CDH4: variants seen among roughly 807,000 people sequenced by gnomAD.
The protein encoded by CDH4 is cadherin 4.
Under a neutral mutation model 86.0 loss-of-function variants are expected in CDH4, and 33 were observed. The observed-to-expected ratio is 0.38, with a 90% CI of 0.29 to 0.51. The LOEUF is 0.51. CDH4 is among the 20% of genes least tolerant of loss of function. CDH4 has a pLI of 0.86. For synonymous variants in CDH4, 555 were observed against 549.4 expected (o/e 1.01, Z -0.14); for missense variants, 1,114 against 1,307.4 (o/e 0.85, Z 2.28).
At chr20:61,274,867 T>G in intron 2 of CDH4, among the ~76,000 whole-genome samples, 1 of 131,576 alleles carries the variant, frequency 7.6e-6, no homozygotes, top group African/African-American at 3.0e-5. Context: ...ATGCGGTTGT[T>G]TGGGAGAGTA....
At chr20:61,430,196 G>A (rs972287981) in intron 2 of CDH4, among the ~76,000 whole-genome samples, 3 of 152,382 alleles carry the variant, frequency 2.0e-5, no homozygotes, top group African/African-American at 7.2e-5. Context: ...AGTCAGTAAT[G>A]TTTCCCTTAA....
At chr20:61,868,217 G>A (rs1219595746) in intron 6 of CDH4, among the ~76,000 whole-genome samples, 3 of 152,268 alleles carry the variant, frequency 2.0e-5, no homozygotes, top group East Asian at 1.9e-4. Context: ...GTTCGTCCAC[G>A]CCAGGACCCC....
At chr20:61,682,967 A>G (rs2087533775) in intron 2 of CDH4, among the ~76,000 whole-genome samples, 2 of 152,102 alleles carry the variant, frequency 1.3e-5, no homozygotes, top group Non-Finnish European at 2.9e-5. Context: ...TATAAGAACC[A>G]ATTGTGAATG....
chr20:61,264,075 C>G (rs1376570306), intron 2 of CDH4, among the ~76,000 whole-genome samples: 1 of 152,180 alleles, frequency 6.6e-6, no homozygotes, highest in Non-Finnish European at 1.5e-5. Flanking sequence ...CACGTGAGAT[C>G]CCAGGCTCAC....
In CDH4 at chr20:61,654,000, G is replaced by A. The variant is rs184053185; in HGVS notation, c.170-89563G>A. 4.9e-3 allele frequency among the ~76,000 whole-genome samples: 739 copies of A among 151,958 alleles called. 6 individuals are homozygous for A. Among genetic ancestry groups the A allele is most frequent in the African/African-American group, 0.017 (693 of 41,452 alleles). ...AGACGAAGGGCGGCCAGGCAGAGAC[G>A]CTCCTCACTTCCCAGACAGGGTGGC... On this transcript the variant is annotated intron_variant, in intron 2 of 15. Coordinates refer to ENST00000614565, the MANE Select transcript of CDH4 (RefSeq NM_001794.5).
Position 61,743,575 on chromosome 20 carries a change from G to A in CDH4, c.182G>A (p.Ser61Asn), listed in dbSNP as rs2088370421. The change falls in exon 3 of 16, where the codon AGC (serine) becomes AAC (asparagine). Residue 61 changes from serine (S) to asparagine (N), a missense_variant. Around this residue, in one of 3 missense-constraint regions of CDH4, gnomAD observed 221 missense variants for 209.5 expected, o/e 1.05. Transcript: ENST00000614565. ...GEKLLQVKFS[S>N]CVGTKGTQYE... ...CCTCCTCTTGCAGTCAAGTTCAGCA[G>A]CTGTGTGGGGACCAAGGGGACACAA... 1.3e-6 allele frequency: 2 copies of A among 1,564,274 alleles called. No homozygotes were observed. The highest frequency in any genetic ancestry group is 1.7e-6 in the Non-Finnish European group (2 of 1,153,228).
intron 2 of CDH4, among the ~76,000 whole-genome samples, chr20:61,508,538 T>C (rs1028142451): frequency 1.3e-5 from 2 of 152,198 alleles, no homozygotes; most frequent in Non-Finnish European, 2.9e-5. Flanking sequence ...CGGAGCCCAC[T>C]GTGATGGGTG....
intron 9 of CDH4, among the ~76,000 whole-genome samples, chr20:61,919,550 G>A (rs775216559): frequency 6.6e-6 from 1 of 152,264 alleles, no homozygotes; most frequent in Non-Finnish European, 1.5e-5. Flanking sequence ...TGGGAACGTG[G>A]GGACATCACA....
chr20:61,865,913 T>C (rs201981124), intron 6 of CDH4, among the ~76,000 whole-genome samples: 1 of 152,008 alleles, frequency 6.6e-6, no homozygotes, highest in Admixed American at 6.6e-5. Context: ...TGGCTTAGTT[T>C]CCTGGGCTGC....
At position 61,252,546 on chromosome 20, in the gene CDH4, G is replaced by T. The variant is rs1188928112; in HGVS notation, c.33G>T (p.Leu11=). The T allele has an allele frequency of 4.2e-6, 5 of 1,202,950 alleles. No individual in the cohort carries two copies. The highest frequency in any genetic ancestry group is 5.2e-6 in the Non-Finnish European group (5 of 969,372). The allele number at this position is 1,202,950 out of a possible 1,614,324, so 74.5% of individuals were successfully genotyped here. A position where few individuals can be genotyped will look rare whatever the true frequency, so the allele number is the denominator to read the frequency against. The change falls in exon 1 of 16, where the codon CTG becomes CTT. Residue 11 remains leucine, a synonymous_variant. Transcript: ENST00000614565. The surrounding 1 kb of genome is among the most constrained non-coding windows in gnomAD (Gnocchi z 4.4). ...CGGGCGCCGGCGTGCTCCTTCTGCT[G>T]CTCTCGCTCTCCGGCGCGCTCCGGG... The part of the protein sequence containing the change: MTAGAGVLLL[L]LSLSGALRAH...
chr20:61,622,554 C>G (rs930831495), intron 2 of CDH4, among the ~76,000 whole-genome samples: 1 of 152,244 alleles, frequency 6.6e-6, no homozygotes, highest in African/African-American at 2.4e-5. Flanking sequence ...TAAAGCTGCC[C>G]CAGCACAGTA....
intron 2 of CDH4, among the ~76,000 whole-genome samples, chr20:61,345,949 A>AT (rs1366333387): frequency 2.0e-5 from 3 of 152,172 alleles, no homozygotes; most frequent in African/African-American, 4.8e-5. Flanking sequence ...TGGACCTGGT[A>AT]TTTTGTAAGC....
At chr20:61,382,067 A>C (rs1223071534) in intron 2 of CDH4, among the ~76,000 whole-genome samples, 2 of 147,316 alleles carry the variant, frequency 1.4e-5, no homozygotes, top group African/African-American at 2.6e-5. Flanking sequence ...CAAGAAAAAA[A>C]CTCCATCTCA....
intron 2 of CDH4, among the ~76,000 whole-genome samples, chr20:61,657,858 G>T (rs563706531): frequency 5.3e-5 from 8 of 152,194 alleles, no homozygotes; most frequent in Non-Finnish European, 1.0e-4. Flanking sequence ...AAAATACAGT[G>T]CTGTGCCCAT....
intron 2 of CDH4, among the ~76,000 whole-genome samples, chr20:61,692,062 G>A (rs2087661354): frequency 6.6e-6 from 1 of 152,004 alleles, no homozygotes. Context: ...GGTAAAACCA[G>A]GTCCAATGAG....
At chr20:61,897,061 G>A (rs984049889) in intron 8 of CDH4, among the ~76,000 whole-genome samples, 1 of 152,210 alleles carries the variant, frequency 6.6e-6, no homozygotes, top group Non-Finnish European at 1.5e-5. Flanking sequence ...AGCCCAGGGA[G>A]TCACACTGAG....
At chr20:61,553,989 T>C (rs1212379325) in intron 2 of CDH4, among the ~76,000 whole-genome samples, 2 of 152,168 alleles carry the variant, frequency 1.3e-5, no homozygotes, top group African/African-American at 4.8e-5. Flanking sequence ...TCCTAGGAGC[T>C]GGTCAGTGAT....
chr20:61,923,599 C>A lies in CDH4; in HGVS notation c.1523C>A (p.Pro508His), dbSNP rs762200637. The change falls in exon 10 of 16, where the codon CCC becomes CAC. Residue 508 changes from proline (P) to histidine (H), a missense_variant. Physicochemically the swap from Pro to His is moderately conservative, Grantham distance 77. This residue lies in a region of CDH4 where 705 missense variants were observed against 914.1 expected (regional missense o/e 0.77). Coordinates refer to ENST00000614565, the MANE Select transcript of CDH4 (RefSeq NM_001794.5). ...GACATCAACGAGGCTCCCTACTTCC[C>A]CTCAAACCACAAGCTGATCCGCCTG... ...IMDINEAPYF[P>H]SNHKLIRLEE... 1.2e-6 allele frequency: 2 copies of A among 1,614,058 alleles called. No individual in the cohort carries two copies. The highest frequency in any genetic ancestry group is 2.7e-5 in the African/African-American group (2 of 74,938).
intron 3 of CDH4, among the ~76,000 whole-genome samples, chr20:61,768,311 AC>A (rs35557155): frequency 1.3e-5 from 2 of 152,180 alleles, no homozygotes; most frequent in Non-Finnish European, 2.9e-5. Context: ...GTAGTCATAC[AC>A]CCATACATCT....
Sources: gnomAD v4.1 joint callset for allele counts (sites outside exome capture counted in the v4.1 genomes callset) on GRCh38, gnomAD v4.1.1 for gene constraint, gnomAD v4.1.1 regional missense constraint, Gnocchi (gnomAD v3.1) non-coding constraint, MANE v1.5 for transcripts, NCBI Gene and HGNC (gene_info 2026-07-23, HGNC 2026-07-21) for gene names.